The following MYOM1 variants were observed in gnomAD, a reference collection of about 807,000 sequenced individuals.
The protein encoded by MYOM1 is myomesin-1.
MYOM1 carries 164 observed loss-of-function variants against 205.3 expected under a neutral mutation model. The observed-to-expected ratio is 0.80, with a 90% CI of 0.70 to 0.91. The LOEUF (loss-of-function observed/expected upper bound fraction) is 0.91, where lower values mean the gene tolerates loss of function less well. Ranked by LOEUF, MYOM1 falls within the 40% of genes least tolerant of loss-of-function variation. The probability of loss-of-function intolerance (pLI) is 0.00; values close to 1 mark genes in which losing one functional copy is unlikely to be tolerated. For synonymous variants in MYOM1, 772 were observed against 789.4 expected, an observed-to-expected ratio of 0.98 and a Z score of 0.37; for missense variants, 2,011 against 2,127.3, an observed-to-expected ratio of 0.95 and a Z score of 1.08.
rs543679498 is a variant in MYOM1 at position 3,167,445 on chromosome 18, G to A, written c.1339+1372C>T. Among the ~76,000 whole-genome samples, 20 of 152,296 alleles carry A rather than the reference G, an allele frequency of 1.3e-4. 1 individual carries two copies. In the South Asian group the frequency reaches 3.5e-3, roughly 27 times the overall value. ...ATAGCCCAGGCTGGAGTGCAATGGC[G>A]CAATCTTGGTTCACTGCAACTTCTG... On this transcript the variant is annotated intron_variant, in intron 9 of 37. Coordinates refer to ENST00000356443, the MANE Select transcript of MYOM1 (RefSeq NM_003803.4).
chr18:3,121,526 G>C (rs2143840300), intron 19 of MYOM1, among the ~76,000 whole-genome samples: 1 of 152,182 alleles, frequency 6.6e-6, no homozygotes, highest in Admixed American at 6.5e-5. Context: ...TAAATATATT[G>C]GTAAGTTGAA....
At chr18:3,144,278 G>A (rs1418684629) in intron 13 of MYOM1, among the ~76,000 whole-genome samples, 1 of 151,986 alleles carries the variant, frequency 6.6e-6, no homozygotes, top group African/African-American at 2.4e-5. Context: ...TTACTGGAAG[G>A]TAGACTGTGA....
intron 3 of MYOM1, among the ~76,000 whole-genome samples, chr18:3,192,200 GA>G (rs2080920642): frequency 6.6e-6 from 1 of 152,040 alleles, no homozygotes; most frequent in Non-Finnish European, 1.5e-5. Context: ...AACAGAGTGG[GA>G]AAAATACTGG....
intron 4 of MYOM1, among the ~76,000 whole-genome samples, chr18:3,188,500 G>A (rs1293714600): frequency 7.9e-5 from 12 of 151,708 alleles, no homozygotes; most frequent in Admixed American, 3.9e-4. Context: ...GTGGTGGCAC[G>A]TGCCTGTAAT....
intron 30 of MYOM1, 69 bp from the exon 31 acceptor site, chr18:3,085,201 TTTTCTTCTGC>T (rs1201164145): frequency 3.3e-6 from 3 of 897,344 alleles, no homozygotes; most frequent in Non-Finnish European, 4.9e-6. Flanking sequence ...TGATTTTTTT[TTTTCTTCTGC>T]TTCTTCTGCT....
intron 28 of MYOM1, 111 bp downstream of exon 28, chr18:3,089,426 G>T: frequency 1.3e-6 from 1 of 781,802 alleles, no homozygotes; most frequent in Non-Finnish European, 2.0e-6. Flanking sequence ...AATTTACTAG[G>T]CATTATTAAC....
At chr18:3,069,721 T>G (rs1200343257) in intron 37 of MYOM1, among the ~76,000 whole-genome samples, 1 of 139,976 alleles carries the variant, frequency 7.1e-6, no homozygotes, top group Non-Finnish European at 1.5e-5. Flanking sequence ...GAAAAAAAAA[T>G]GTGAAAAAGA....
chr18:3,114,795 G>A (rs983145284), intron 21 of MYOM1, among the ~76,000 whole-genome samples: 3 of 152,044 alleles, frequency 2.0e-5, no homozygotes, highest in Non-Finnish European at 2.9e-5. Flanking sequence ...TTGATAAAAT[G>A]TAAGAACTCT....
At chr18:3,228,609 C>T in the MYOM1 span, among the ~76,000 whole-genome samples, 8 of 152,130 alleles carry the variant, frequency 5.3e-5, no homozygotes, top group South Asian at 4.1e-4. The surrounding 1 kb of genome is among the most constrained non-coding windows in gnomAD (Gnocchi z 4.5). Flanking sequence ...CAGTTTATAG[C>T]AATAAAATTG....
Position 3,100,148 on chromosome 18 carries a change from T to C in MYOM1, c.3727+11A>G. 1 of 1,613,722 alleles carries C rather than the reference T, an allele frequency of 6.2e-7. No homozygotes were observed. Among genetic ancestry groups the C allele is most frequent in the Middle Eastern group, 1.7e-4 (1 of 5,860 alleles). ...CTGCTAAAAACCTGTGAATGTATTG[T>C]GGATACTTACTTGGGAACTTGTGTT... On this transcript the variant is annotated intron_variant, in intron 25 of 37. Coordinates refer to ENST00000356443, the MANE Select transcript of MYOM1 (RefSeq NM_003803.4).
chr18:3,168,735 A>G (rs2080508928), intron 9 of MYOM1, 82 bp downstream of exon 9: 1 of 1,465,826 alleles, frequency 6.8e-7, no homozygotes. Flanking sequence ...TCCAGATTCC[A>G]CCAGCTCCGA....
chr18:3,238,210 G>A, the MYOM1 span, among the ~76,000 whole-genome samples: 1 of 152,134 alleles, frequency 6.6e-6, no homozygotes, highest in African/African-American at 2.4e-5. Flanking sequence ...CTCAAAAGGA[G>A]AACATGACCT....
upstream of MYOM1, among the ~76,000 whole-genome samples, chr18:3,223,415 A>G (rs9962345): frequency 0.091 from 13,790 of 152,304 alleles, 712 homozygotes; most frequent in African/African-American, 0.14. Context: ...TTTGAAAGCC[A>G]TAAATTTGCT....
intron 25 of MYOM1, among the ~76,000 whole-genome samples, chr18:3,099,630 G>A (rs1019752438): frequency 6.6e-6 from 1 of 152,120 alleles, no homozygotes; most frequent in Non-Finnish European, 1.5e-5. Flanking sequence ...CTTTTATGTA[G>A]AAGGTGCTTT....
In MYOM1 at chr18:3,219,030, A is replaced by T. The variant is rs930934747; in HGVS notation, c.-29+773T>A. On this transcript the variant is annotated intron_variant, in intron 1 of 37. Coordinates refer to ENST00000356443, the MANE Select transcript of MYOM1 (RefSeq NM_003803.4). This position sits in a 1 kb window ranked among gnomAD's most constrained non-coding sequence, Gnocchi z 4.4. ...TCCTCTTCATCAAGTAAGCCCTTGA[A>T]GTTAACTAAAGCCAGGATTAGCTCC... is the stretch of plus-strand genomic sequence containing the variant. Among the ~76,000 whole-genome samples, 1 of 152,310 alleles carries T rather than the reference A, an allele frequency of 6.6e-6. No homozygotes were observed. Among genetic ancestry groups the T allele is most frequent in the South Asian group, 2.1e-4 (1 of 4,818 alleles).
At chr18:3,094,645 T>C (rs1276869324) in intron 25 of MYOM1, among the ~76,000 whole-genome samples, 1 of 151,850 alleles carries the variant, frequency 6.6e-6, no homozygotes, top group Non-Finnish European at 1.5e-5. Flanking sequence ...GGCTTTTGGT[T>C]GGTGTTTTTT....
In MYOM1 at chr18:3,113,987, G is replaced by T. The variant is rs546937263; in HGVS notation, c.3304-1575C>A. Among the ~76,000 whole-genome samples the T allele has an allele frequency of 5.9e-5, 9 of 152,280 alleles. No individual in the cohort carries two copies. In the South Asian group the frequency reaches 1.9e-3, roughly 32 times the overall value. Reference sequence around the variant, plus strand: ...ATTTATGTAGTAATAGCCCTCACTGGCACTAACGGATTTTTGAAATGGATT... The same window carrying T: ...ATTTATGTAGTAATAGCCCTCACTGTCACTAACGGATTTTTGAAATGGATT... On this transcript the variant is annotated intron_variant, in intron 21 of 37. Transcript: ENST00000356443.
intron 36 of MYOM1, among the ~76,000 whole-genome samples, chr18:3,072,923 A>G (rs950476687): frequency 1.3e-5 from 2 of 151,044 alleles, no homozygotes; most frequent in Non-Finnish European, 2.9e-5. Flanking sequence ...AAGGTTGCAT[A>G]ATGGAAGGGC....
chr18:3,092,502 C>T (rs899148684), intron 26 of MYOM1, among the ~76,000 whole-genome samples: 1 of 152,130 alleles, frequency 6.6e-6, no homozygotes, highest in Non-Finnish European at 1.5e-5. Context: ...CCTATTTGCT[C>T]TTAATGAATG....
Sources: gnomAD v4.1 joint callset for allele counts (sites outside exome capture counted in the v4.1 genomes callset) on GRCh38, gnomAD v4.1.1 for gene constraint, Gnocchi (gnomAD v3.1) non-coding constraint, MANE v1.5 for transcripts, NCBI Gene and HGNC (gene_info 2026-07-23, HGNC 2026-07-21) for gene names.